PDZRN3: variants seen among roughly 807,000 people sequenced by gnomAD.
PDZRN3 encodes PDZ domain containing ring finger 3.
In PDZRN3, 38 loss-of-function variants were observed where a neutral mutation model predicts 85.7. The observed-to-expected ratio is 0.44, with a 90% CI of 0.34 to 0.58. The LOEUF (loss-of-function observed/expected upper bound fraction) is 0.58. Among genes scored for constraint, PDZRN3 ranks in the 20% least tolerant of loss-of-function variants. The pLI is 0.01. For missense variants in PDZRN3, 1,629 were observed against 1,506.4 expected (o/e 1.08, Z -1.35); for synonymous variants, 759 against 638.0 (o/e 1.19, Z -2.86).
chr3:73,389,169 G>C (rs143523463), intron 7 of PDZRN3, among the ~76,000 whole-genome samples: 81 of 152,144 alleles, frequency 5.3e-4, no homozygotes, highest in African/African-American at 1.9e-3. Flanking sequence ...AGAAGAGGTA[G>C]AAAGCTAAGC....
At chr3:73,484,086 G>C (rs1403335099) in intron 3 of PDZRN3, among the ~76,000 whole-genome samples, 7 of 152,138 alleles carry the variant, frequency 4.6e-5, no homozygotes, top group African/African-American at 1.4e-4. Context: ...GGGGGCCTGG[G>C]GTGGATAAGG....
chr3:73,444,178 T>C (rs981327439), intron 3 of PDZRN3, among the ~76,000 whole-genome samples: 15 of 152,140 alleles, frequency 9.9e-5, no homozygotes, highest in African/African-American at 3.1e-4. Context: ...TAGCCCTACC[T>C]GGAATACCTT....
intron 3 of PDZRN3, chr3:73,433,503 G>T: frequency 3.3e-6 from 2 of 612,052 alleles, no homozygotes; most frequent in Non-Finnish European, 5.6e-6. Flanking sequence ...ACACAAAAAA[G>T]TCAGAAAGGC....
chr3:73,527,710 A>C (rs1005779699), intron 3 of PDZRN3, among the ~76,000 whole-genome samples: 9 of 152,180 alleles, frequency 5.9e-5, no homozygotes, highest in Non-Finnish European at 1.2e-4. Flanking sequence ...TTACGAAAAG[A>C]ATTTGCCCAC....
At position 73,386,941 on chromosome 3, in the gene PDZRN3, T is replaced by G. The variant is rs551696205; in HGVS notation, c.1518+1027A>C. Among the ~76,000 whole-genome samples the G allele has an allele frequency of 6.6e-5, 10 of 152,312 alleles. No homozygotes were observed. The East Asian group carries it at 1.9e-3, about 29-fold the overall frequency. ...CACCTTGAATTGTAGCTCCCATAAG[T>G]CCTACGTGTTGTGCGAGGGACCTCG... On this transcript the variant is annotated intron_variant, in intron 8 of 9. Coordinates refer to ENST00000263666, the MANE Select transcript of PDZRN3 (RefSeq NM_015009.3).
chr3:73,446,293 G>A (rs533221429), intron 3 of PDZRN3, among the ~76,000 whole-genome samples: 2 of 152,202 alleles, frequency 1.3e-5, no homozygotes, highest in African/African-American at 2.4e-5. Context: ...TACATGGGCA[G>A]TGAGCGTTTC....
intron 3 of PDZRN3, among the ~76,000 whole-genome samples, chr3:73,430,891 T>C (rs1419768323): frequency 6.6e-6 from 1 of 152,216 alleles, no homozygotes; most frequent in Admixed American, 6.5e-5. Context: ...ATAGTGCTTC[T>C]GAGTACTCAA....
At chr3:73,509,718 A>G (rs1035349354) in intron 3 of PDZRN3, among the ~76,000 whole-genome samples, 1 of 152,208 alleles carries the variant, frequency 6.6e-6, no homozygotes, top group South Asian at 2.1e-4. Flanking sequence ...CTTACTGCCT[A>G]AGCAACTCCT....
At chr3:73,439,548 T>C (rs1451168834) in intron 3 of PDZRN3, among the ~76,000 whole-genome samples, 1 of 152,146 alleles carries the variant, frequency 6.6e-6, no homozygotes, top group Non-Finnish European at 1.5e-5. Flanking sequence ...CCACTGGTTC[T>C]TGAACAAGGA....
chr3:73,595,367 T>C (rs1408047821), intron 3 of PDZRN3, among the ~76,000 whole-genome samples: 2 of 152,222 alleles, frequency 1.3e-5, no homozygotes, highest in Non-Finnish European at 2.9e-5. Flanking sequence ...TTCATACTCC[T>C]CTGCTGAATA....
At position 73,624,271 on chromosome 3, in the gene PDZRN3, C is replaced by T; in HGVS notation, c.555G>A (p.Lys185=). Residue 185 remains lysine (K), a synonymous_variant, in exon 1 of 10, where the codon AAG becomes AAA. Coordinates refer to ENST00000263666, the MANE Select transcript of PDZRN3 (RefSeq NM_015009.3). ...ARLGALHKAL[K]KEALRAGKRE... ...GCTTCCCAGCGCGCAGCGCCTCCTT[C>T]TTGAGCGCCTTGTGCAGCGCGCCCA... The T allele has an allele frequency of 2.1e-6, 3 of 1,417,772 alleles. No homozygotes were observed. Among genetic ancestry groups the T allele is most frequent in the Non-Finnish European group, 2.7e-6 (3 of 1,093,454 alleles). 87.8% of individuals were successfully genotyped at this position (1,417,772 alleles called of 1,614,324 possible). A position where few individuals can be genotyped will look rare whatever the true frequency, so the allele number is the denominator to read the frequency against.
At chr3:73,531,814 C>G (rs913664568) in intron 3 of PDZRN3, among the ~76,000 whole-genome samples, 3 of 152,186 alleles carry the variant, frequency 2.0e-5, no homozygotes, top group Non-Finnish European at 4.4e-5. Context: ...ATTCAGGGTT[C>G]AGGCAGAAAC....
intron 3 of PDZRN3, among the ~76,000 whole-genome samples, chr3:73,485,458 A>G (rs1703645540): frequency 6.6e-6 from 1 of 152,124 alleles, no homozygotes; most frequent in African/African-American, 2.4e-5. Context: ...AGTGGTTTAG[A>G]GCTTGCTCCT....
intron 3 of PDZRN3, among the ~76,000 whole-genome samples, chr3:73,416,036 G>T (rs932205808): frequency 4.6e-5 from 7 of 151,530 alleles, no homozygotes; most frequent in African/African-American, 1.5e-4. Flanking sequence ...AGAGGAGGGT[G>T]GAGAATCCAC....
At chr3:73,479,182 G>A (rs1280900010) in intron 3 of PDZRN3, among the ~76,000 whole-genome samples, 3 of 152,110 alleles carry the variant, frequency 2.0e-5, no homozygotes, top group Admixed American at 1.3e-4. Flanking sequence ...TTAGGATACT[G>A]TCATTGTATA....
chr3:73,623,965 G>T, intron 1 of PDZRN3, 138 bp downstream of exon 1: 1 of 842,192 alleles, frequency 1.2e-6, no homozygotes, highest in African/African-American at 1.8e-5. Context: ...TGATACAGCT[G>T]GTAAGCAGTG....
At position 73,474,591 on chromosome 3, in the gene PDZRN3, C is replaced by T. The variant is rs200271682; in HGVS notation, c.919-70196G>A. ...AGCCTGCAGGTCCGCAGTTTCATTG[C>T]GATCTAAGCTTGGTTTATGTTGAGA... On this transcript the variant is annotated intron_variant, in intron 3 of 9. Coordinates refer to ENST00000263666, the MANE Select transcript of PDZRN3 (RefSeq NM_015009.3). The T allele has an allele frequency of 6.3e-5, 80 of 1,274,650 alleles. No homozygotes were observed. In the East Asian group the frequency reaches 1.3e-3, roughly 21 times the overall value. The allele number at this position is 1,274,650 out of a possible 1,614,324, so 79.0% of individuals were successfully genotyped here. A position where few individuals can be genotyped will look rare whatever the true frequency, so the allele number is the denominator to read the frequency against.
At chr3:73,419,676 G>A (rs1306692965) in intron 3 of PDZRN3, among the ~76,000 whole-genome samples, 1 of 152,078 alleles carries the variant, frequency 6.6e-6, no homozygotes, top group Non-Finnish European at 1.5e-5. Flanking sequence ...GTTTCATCGT[G>A]CCTTACAGAT....
intron 3 of PDZRN3, among the ~76,000 whole-genome samples, chr3:73,453,533 C>T (rs1462234302): frequency 6.6e-6 from 1 of 150,814 alleles, no homozygotes; most frequent in Non-Finnish European, 1.5e-5. Flanking sequence ...GGCTGTTTTG[C>T]TTTCTTTAAA....
Sources: gnomAD v4.1 joint callset for allele counts (sites outside exome capture counted in the v4.1 genomes callset) on GRCh38, gnomAD v4.1.1 for gene constraint, MANE v1.5 for transcripts, NCBI Gene and HGNC (gene_info 2026-07-23, HGNC 2026-07-21) for gene names.